The following ABCB5 variants were observed in gnomAD, a reference collection of about 807,000 sequenced individuals.
The protein encoded by ABCB5 is ATP binding cassette subfamily B member 5.
A neutral mutation model predicts 144.2 loss-of-function variants in ABCB5; 155 were observed. The observed-to-expected ratio is 1.08, with a 90% CI of 0.94 to 1.23. ABCB5 has a LOEUF of 1.23. Ranked by LOEUF, ABCB5 falls within the 50% of genes most tolerant of loss-of-function variation. The pLI is 0.00. For synonymous variants in ABCB5, 610 were observed against 528.6 expected, an observed-to-expected ratio of 1.15 and a Z score of -2.11; for missense variants, 1,830 against 1,520.8, an observed-to-expected ratio of 1.20 and a Z score of -3.38.
intron 17 of ABCB5, among the ~76,000 whole-genome samples, chr7:20,699,487 G>T (rs1416526065): frequency 6.6e-6 from 1 of 151,860 alleles, no homozygotes; most frequent in East Asian, 1.9e-4. Context: ...GATCACTTGA[G>T]GTCAAGAGCT....
At chr7:20,699,983 C>G (rs955626446) in intron 18 of ABCB5, 54 bp downstream of exon 18, 1 of 1,597,902 alleles carries the variant, frequency 6.3e-7, no homozygotes, top group Non-Finnish European at 8.6e-7. Flanking sequence ...GCCATTCTTT[C>G]TATTTGAGTT....
intron 1 of ABCB5, among the ~76,000 whole-genome samples, chr7:20,617,922 C>G (rs1783722581): frequency 6.6e-6 from 1 of 152,066 alleles, no homozygotes; most frequent in Non-Finnish European, 1.5e-5. Context: ...GATATAACAA[C>G]TATAAGCACA....
intron 4 of ABCB5, among the ~76,000 whole-genome samples, chr7:20,629,631 AG>A (rs1783989096): frequency 1.3e-5 from 2 of 152,188 alleles, no homozygotes; most frequent in South Asian, 4.1e-4. Context: ...CCATGGTAGC[AG>A]GTGCCTGTAA....
At chr7:20,616,317 T>C (rs905254082) in intron 1 of ABCB5, among the ~76,000 whole-genome samples, 3 of 152,220 alleles carry the variant, frequency 2.0e-5, no homozygotes, top group African/African-American at 4.8e-5. Flanking sequence ...ATTACAGGCA[T>C]GAGCCACTGC....
At chr7:20,685,919 A>T in intron 16 of ABCB5, 83 bp downstream of exon 16, 2 of 1,361,336 alleles carry the variant, frequency 1.5e-6, no homozygotes, top group East Asian at 5.2e-5. Context: ...ATTTATTTAT[A>T]GTAAAATATT....
intron 14 of ABCB5, among the ~76,000 whole-genome samples, chr7:20,675,003 G>A (rs1785559008): frequency 6.6e-6 from 1 of 151,804 alleles, no homozygotes; most frequent in South Asian, 2.1e-4. Context: ...AATTAGAGAA[G>A]ACACAAATAA....
At chr7:20,645,910 C>T (rs1784394204) in intron 8 of ABCB5, 30 bp downstream of exon 8, 1 of 1,612,604 alleles carries the variant, frequency 6.2e-7, no homozygotes, top group Non-Finnish European at 8.5e-7. Context: ...ACAAGATATG[C>T]TTGGTTTTAT....
intron 20 of ABCB5, among the ~76,000 whole-genome samples, chr7:20,718,993 C>A (rs879364219): frequency 1.3e-5 from 2 of 152,030 alleles, no homozygotes; most frequent in Admixed American, 6.5e-5. Flanking sequence ...AAATTGAAGG[C>A]AACCCAAATA....
intron 4 of ABCB5, among the ~76,000 whole-genome samples, chr7:20,630,672 C>G (rs1172910633): frequency 2.0e-5 from 3 of 152,108 alleles, no homozygotes; most frequent in African/African-American, 7.2e-5. Flanking sequence ...TATTGATTGT[C>G]TACTACATCT....
intron 14 of ABCB5, among the ~76,000 whole-genome samples, chr7:20,677,822 T>A (rs1281832680): frequency 6.6e-6 from 1 of 152,198 alleles, no homozygotes; most frequent in Non-Finnish European, 1.5e-5. Flanking sequence ...ATATCTGTTA[T>A]GTGGGAAAAA....
At position 20,742,977 on chromosome 7, in the gene ABCB5, G is replaced by A. The variant is rs768124117; in HGVS notation, c.3125G>A (p.Arg1042Gln). 4.2e-5 allele frequency: 68 copies of A among 1,613,996 alleles called. 1 individual carries two copies. Among genetic ancestry groups the A allele is most frequent in the East Asian group, 1.1e-4 (5 of 44,896 alleles). The change falls in exon 25 of 28, where the codon CGA (arginine) becomes CAA (glutamine). Residue 1042 changes from arginine (R) to glutamine (Q), a missense_variant. Arg to Gln is a conservative substitution (Grantham distance 43). Coordinates refer to ENST00000404938, the MANE Select transcript of ABCB5 (RefSeq NM_001163941.2). ...CGTGGCTTATCCCTCAGTATTGAGC[G>A]AGGAAAGACAGTAGCATTTGTGGGG... ...ILRGLSLSIE[R>Q]GKTVAFVGSS...
chr7:20,690,141 T>G (rs1037420423), intron 16 of ABCB5, among the ~76,000 whole-genome samples: 1 of 152,210 alleles, frequency 6.6e-6, no homozygotes, highest in Admixed American at 6.5e-5. Flanking sequence ...TCACAACTTT[T>G]TCCCCCCATT....
At chr7:20,712,158 C>CAAA (rs34938819) in intron 20 of ABCB5, among the ~76,000 whole-genome samples, 32 of 52,608 alleles carry the variant, frequency 6.1e-4, no homozygotes, top group African/African-American at 1.3e-3. Flanking sequence ...AAGACGCCGT[C>CAAA]AAAAAAAAAA....
intron 14 of ABCB5, among the ~76,000 whole-genome samples, chr7:20,678,248 T>C (rs914614434): frequency 2.0e-5 from 3 of 152,228 alleles, no homozygotes; most frequent in African/African-American, 7.2e-5. Flanking sequence ...TTCCACATTA[T>C]CATTTAATCT....
chr7:20,686,348 C>A (rs1785999225), intron 16 of ABCB5, among the ~76,000 whole-genome samples: 1 of 152,178 alleles, frequency 6.6e-6, no homozygotes, highest in African/African-American at 2.4e-5. Flanking sequence ...CAGGCTCTGC[C>A]TGAGCCCCAC....
intron 2 of ABCB5, among the ~76,000 whole-genome samples, chr7:20,624,980 T>C (rs1374617648): frequency 6.6e-6 from 1 of 152,206 alleles, no homozygotes; most frequent in Non-Finnish European, 1.5e-5. Flanking sequence ...ATAAAGAGAC[T>C]TTCACAAAAC....
At chr7:20,676,167 TACACACACACAC>T (rs60855145) in intron 14 of ABCB5, among the ~76,000 whole-genome samples, 4 of 124,524 alleles carry the variant, frequency 3.2e-5, no homozygotes, top group Non-Finnish European at 3.4e-5. Context: ...CTACTACACA[TACACACACACAC>T]ACACACACAC....
intron 3 of ABCB5, 32 bp downstream of exon 3, chr7:20,626,643 T>G (rs756453071): frequency 4.5e-6 from 7 of 1,557,020 alleles, no homozygotes; most frequent in Non-Finnish European, 5.2e-6. Flanking sequence ...GTACATGCAT[T>G]AGAAGATTTT....
At chr7:20,738,790 T>C (rs1434305739) in intron 23 of ABCB5, among the ~76,000 whole-genome samples, 193 bp from the exon 24 acceptor site, 1 of 152,200 alleles carries the variant, frequency 6.6e-6, no homozygotes, top group Non-Finnish European at 1.5e-5. Flanking sequence ...TTCATTTTGG[T>C]GTACAGAGCA....
Sources: gnomAD v4.1 joint callset for allele counts (sites outside exome capture counted in the v4.1 genomes callset) on GRCh38, gnomAD v4.1.1 for gene constraint, MANE v1.5 for transcripts, NCBI Gene and HGNC (gene_info 2026-07-23, HGNC 2026-07-21) for gene names.